Variants in PTPN3 observed in about 807,000 individuals in gnomAD.
PTPN3 encodes the protein tyrosine-protein phosphatase non-receptor type 3.
PTPN3 carries 96 observed loss-of-function variants against 132.7 expected under a neutral mutation model. The ratio of observed to expected loss-of-function variants is 0.72; its 90% confidence interval spans 0.61 to 0.86. PTPN3 has a LOEUF of 0.86. PTPN3 is among the 40% of genes least tolerant of loss of function. The pLI, the probability that PTPN3 is intolerant of heterozygous loss-of-function variation, is 0.00. For synonymous variants in PTPN3, 398 were observed against 429.0 expected (o/e 0.93, Z 0.89); for missense variants, 1,125 against 1,159.6 (o/e 0.97, Z 0.43).
At chr9:109,384,317 G>T (rs1254688152) in intron 22 of PTPN3, among the ~76,000 whole-genome samples, 1 of 152,196 alleles carries the variant, frequency 6.6e-6, no homozygotes, top group Non-Finnish European at 1.5e-5. Context: ...CACTGGAGCA[G>T]CGTCTCTGAA....
At chr9:109,481,346 G>C (rs117879331) in intron 1 of PTPN3, among the ~76,000 whole-genome samples, 177 of 152,298 alleles carry the variant, frequency 1.2e-3, no homozygotes, top group South Asian at 2.9e-3. Flanking sequence ...TCACAGAGGA[G>C]GGGTGGCCCT....
rs1482693832 is a variant in PTPN3 at position 109,438,210 on chromosome 9, G to C, written c.491C>G (p.Ser164Cys). 6.2e-7 allele frequency: 1 copy of C among 1,613,088 alleles called. No individual in the cohort carries two copies. Among genetic ancestry groups the C allele is most frequent in the African/African-American group, 1.3e-5 (1 of 74,908 alleles). The change falls in exon 8 of 26, where the codon TCC (serine) becomes TGC (cysteine). Residue 164 changes from serine (S) to cysteine (C), a missense_variant. Transcript: ENST00000374541. ...GGAAAGATAGCCTGGATGATGTATG[G>C]AAGAATTATAGTCTCCAAAATGAGC... ...VQSHFGDYNSSIHHPGYLSDS... is the reference protein window; with the variant it reads ...VQSHFGDYNSCIHHPGYLSDS...
chr9:109,445,327 G>A (rs1215675917), intron 6 of PTPN3, 35 bp from the exon 7 acceptor site: 1 of 1,570,198 alleles, frequency 6.4e-7, no homozygotes, highest in South Asian at 1.1e-5. Context: ...AAAGTCACAA[G>A]AACCAACAAC....
intron 25 of PTPN3, 34 bp downstream of exon 25, chr9:109,381,618 T>C (rs1419211203): frequency 6.2e-7 from 1 of 1,612,716 alleles, no homozygotes; most frequent in South Asian, 1.1e-5. Flanking sequence ...GCTCAGAAAG[T>C]GCCAGCCACC....
chr9:109,446,738 A>G (rs974814084), intron 6 of PTPN3, among the ~76,000 whole-genome samples: 2 of 152,208 alleles, frequency 1.3e-5, no homozygotes, highest in Non-Finnish European at 2.9e-5. Context: ...AAAGAAAAAC[A>G]TTCCAAAAAC....
the PTPN3 span, among the ~76,000 whole-genome samples, chr9:109,505,728 G>C: frequency 6.6e-6 from 1 of 151,906 alleles, no homozygotes; most frequent in Admixed American, 6.6e-5. Flanking sequence ...TGGATGGATG[G>C]AACTGAGGAT....
At chr9:109,485,120 T>C (rs1201876500) in intron 1 of PTPN3, among the ~76,000 whole-genome samples, 1 of 151,982 alleles carries the variant, frequency 6.6e-6, no homozygotes, top group Non-Finnish European at 1.5e-5. Context: ...TCCCAGCTAC[T>C]TGGGAGGCTG....
At chr9:109,437,937 A>G (rs993522198) in intron 8 of PTPN3, among the ~76,000 whole-genome samples, 177 bp downstream of exon 8, 1 of 152,200 alleles carries the variant, frequency 6.6e-6, no homozygotes, top group African/African-American at 2.4e-5. Context: ...ACTTTACAGA[A>G]ATGCTAGTTA....
intron 25 of PTPN3, among the ~76,000 whole-genome samples, chr9:109,381,294 C>T (rs141148767): frequency 2.4e-4 from 36 of 152,260 alleles, no homozygotes; most frequent in Admixed American, 2.3e-3. Context: ...AGGCACCACA[C>T]GGGTGGAACA....
the PTPN3 span, among the ~76,000 whole-genome samples, chr9:109,528,657 A>C: frequency 6.6e-6 from 1 of 152,216 alleles, no homozygotes; most frequent in Non-Finnish European, 1.5e-5. Flanking sequence ...TATATAGTGT[A>C]AACAAACATT....
At chr9:109,435,699 TG>T (rs1335746188) in intron 9 of PTPN3, among the ~76,000 whole-genome samples, 1 of 152,174 alleles carries the variant, frequency 6.6e-6, no homozygotes, top group African/African-American at 2.4e-5. Context: ...TGACAGTTCT[TG>T]GGGTGGGACA....
rs540662165 is a variant in PTPN3, at chr9:109,399,283, TC to T, written c.1953+5164del. Among the ~76,000 whole-genome samples, 154 of 152,340 alleles carry T rather than the reference TC, an allele frequency of 1.0e-3. 1 individual carries two copies. The highest frequency in any genetic ancestry group is 3.5e-3 in the African/African-American group (147 of 41,584). On this transcript the variant is annotated intron_variant, in intron 19 of 25. Coordinates refer to ENST00000374541, the MANE Select transcript of PTPN3 (RefSeq NM_002829.4). ...CTAGAGCAATCGTCCCGCCTCAGCC[TC>T]CCAAAGTGTTGGTATTACAAGCATG...
intron 1 of PTPN3, among the ~76,000 whole-genome samples, chr9:109,490,840 A>G (rs1847428456): frequency 7.3e-6 from 1 of 136,304 alleles, no homozygotes; most frequent in Non-Finnish European, 1.5e-5. Context: ...AACCGTACGC[A>G]ACCCATTTAT....
chr9:109,478,256 TTTTG>T (rs746002263), intron 1 of PTPN3, among the ~76,000 whole-genome samples: 1 of 152,166 alleles, frequency 6.6e-6, no homozygotes, highest in Non-Finnish European at 1.5e-5. Context: ...CAACCAACAA[TTTTG>T]TTTGTGTTTT....
intron 19 of PTPN3, among the ~76,000 whole-genome samples, chr9:109,393,258 T>C (rs1403079058): frequency 1.3e-5 from 2 of 152,332 alleles, no homozygotes; most frequent in Admixed American, 6.5e-5. Flanking sequence ...TTCAATAATC[T>C]AGTTTACTAT....
chr9:109,475,889 A>G (rs558952788), intron 1 of PTPN3, among the ~76,000 whole-genome samples: 11 of 152,316 alleles, frequency 7.2e-5, no homozygotes, highest in Admixed American at 1.3e-4. Context: ...TAGTCCGGCC[A>G]GAGAAACCCA....
chr9:109,446,669 A>C (rs1844881643), intron 6 of PTPN3, among the ~76,000 whole-genome samples: 1 of 152,342 alleles, frequency 6.6e-6, no homozygotes. Flanking sequence ...GGAACAACTT[A>C]GAAAAGAGGC....
upstream of PTPN3, among the ~76,000 whole-genome samples, chr9:109,502,774 C>G (rs1185104001): frequency 6.6e-6 from 1 of 152,174 alleles, no homozygotes; most frequent in African/African-American, 2.4e-5. Flanking sequence ...CCAACCTGGA[C>G]AACAGCAAGA....
chr9:109,525,481 C>T, the PTPN3 span, among the ~76,000 whole-genome samples: 1 of 152,184 alleles, frequency 6.6e-6, no homozygotes, highest in Non-Finnish European at 1.5e-5. Context: ...TTAAAAGATA[C>T]CCAATGCCAG....
Sources: gnomAD v4.1 joint callset for allele counts (sites outside exome capture counted in the v4.1 genomes callset) on GRCh38, gnomAD v4.1.1 for gene constraint, MANE v1.5 for transcripts, NCBI Gene and HGNC (gene_info 2026-07-23, HGNC 2026-07-21) for gene names.